The following LNPEP variants were observed in gnomAD, a reference collection of about 807,000 sequenced individuals.
The protein encoded by LNPEP is leucyl and cystinyl aminopeptidase.
LNPEP carries 64 observed loss-of-function variants against 120.6 expected under a neutral mutation model. The observed-to-expected ratio is 0.53, with a 90% CI of 0.43 to 0.65. LNPEP has a LOEUF of 0.65. Among genes scored for constraint, LNPEP ranks in the 30% least tolerant of loss-of-function variants. The pLI is 0.00. For missense variants in LNPEP, 1,057 were observed against 1,200.0 expected (o/e 0.88, Z 1.76); for synonymous variants, 435 against 425.4 (o/e 1.02, Z -0.28).
chr5:96,976,896 A>G (rs1790012174), intron 1 of LNPEP, among the ~76,000 whole-genome samples: 1 of 150,316 alleles, frequency 6.7e-6, no homozygotes, highest in South Asian at 2.1e-4. Context: ...GTATGACCCA[A>G]AACACTATTA....
At chr5:96,989,053 A>G (rs1378098113) in intron 4 of LNPEP, among the ~76,000 whole-genome samples, 1 of 151,790 alleles carries the variant, frequency 6.6e-6, no homozygotes, top group Non-Finnish European at 1.5e-5. Context: ...AAAGAGGAAG[A>G]GATAGAGAAG....
chr5:96,983,646 C>T (rs1248573150), intron 2 of LNPEP, among the ~76,000 whole-genome samples: 1 of 152,070 alleles, frequency 6.6e-6, no homozygotes, highest in African/African-American at 2.4e-5. Context: ...GAGGTTTCAC[C>T]ATGTTGGCCA....
chr5:96,952,353 A>C (rs974213963), intron 1 of LNPEP, among the ~76,000 whole-genome samples: 2 of 152,332 alleles, frequency 1.3e-5, no homozygotes, highest in Admixed American at 1.3e-4. Flanking sequence ...AAAATGGCAT[A>C]TAACATATTA....
At chr5:96,994,516 G>T in intron 6 of LNPEP, among the ~76,000 whole-genome samples, 1 of 151,226 alleles carries the variant, frequency 6.6e-6, no homozygotes, top group African/African-American at 2.4e-5. Flanking sequence ...TGTTAATTTT[G>T]GAGAGGGGGT....
At chr5:96,956,290 G>T (rs1029227065) in intron 1 of LNPEP, among the ~76,000 whole-genome samples, 3 of 152,136 alleles carry the variant, frequency 2.0e-5, no homozygotes, top group Non-Finnish European at 4.4e-5. Flanking sequence ...CTAGTTTCCA[G>T]AGTTTTTTTT....
At chr5:97,009,532 A>G (rs918093094) in intron 11 of LNPEP, among the ~76,000 whole-genome samples, 12 of 152,226 alleles carry the variant, frequency 7.9e-5, no homozygotes, top group Admixed American at 6.5e-5. Flanking sequence ...GCCTGATAAA[A>G]TGATGTTTTC....
Position 97,036,525 on chromosome 5 carries a change from GGTAAAT to G in LNPEP, c.*7995_*8000del. 6.6e-6 allele frequency: 1 copy of G among 152,160 alleles called. No homozygotes were observed. The highest frequency in any genetic ancestry group is 2.1e-4 in the South Asian group (1 of 4,818). 9.4% of individuals were successfully genotyped at this position (152,160 alleles called of 1,614,324 possible). The stretch of plus-strand genomic sequence containing the variant: ...CACACTGTCTCCTCATCTACCATAT[GGTAAAT>G]GTTAAAACTCCACATTTGTCTGCAT... On this transcript the variant is annotated 3_prime_UTR_variant, in exon 18 of 18. Coordinates refer to ENST00000231368, the MANE Select transcript of LNPEP (RefSeq NM_005575.3).
intron 1 of LNPEP, chr5:96,937,865 C>T (rs950174123): frequency 3.9e-5 from 6 of 152,112 alleles, no homozygotes; most frequent in African/African-American, 1.4e-4. Context: ...GGAAAAATCC[C>T]ACAGAAGAGA....
rs931580762 is a variant in LNPEP, at chr5:97,034,720, T to A, written c.*6187T>A. 4.6e-5 allele frequency: 7 copies of A among 152,046 alleles called. No homozygotes were observed. The highest frequency in any genetic ancestry group is 1.4e-4 in the African/African-American group (6 of 41,422). 9.4% of individuals were successfully genotyped at this position (152,046 alleles called of 1,614,324 possible). ...TGAGAGGAAAAGGCAAGATATATAA[T>A]TTTTTTAATGTATATAAATGTTTTG... is the stretch of plus-strand genomic sequence containing the variant. On this transcript the variant is annotated 3_prime_UTR_variant, in exon 18 of 18. Coordinates refer to ENST00000231368, the MANE Select transcript of LNPEP (RefSeq NM_005575.3).
intron 2 of LNPEP, among the ~76,000 whole-genome samples, chr5:96,980,946 T>C (rs746918575): frequency 1.3e-5 from 2 of 152,230 alleles, no homozygotes; most frequent in African/African-American, 2.4e-5. Flanking sequence ...TTTCCCTCTA[T>C]GTAATACTTT....
At chr5:97,028,094 A>T (rs1327686816) in intron 17 of LNPEP, among the ~76,000 whole-genome samples, 1 of 152,186 alleles carries the variant, frequency 6.6e-6, no homozygotes, top group African/African-American at 2.4e-5. Context: ...CTTGGGGTGA[A>T]TTCATAGCAC....
chr5:97,006,652 A>C, intron 11 of LNPEP, 137 bp downstream of exon 11: 1 of 621,436 alleles, frequency 1.6e-6, no homozygotes, highest in Non-Finnish European at 2.9e-6. Context: ...AGATGTGACT[A>C]ATGTGAGATT....
chr5:96,993,891 C>T lies in LNPEP; in HGVS notation c.1327C>T (p.Leu443Phe). 2 of 1,613,898 alleles carry T rather than the reference C, an allele frequency of 1.2e-6. No homozygotes were observed. The highest frequency in any genetic ancestry group is 2.2e-5 in the South Asian group (2 of 91,084). The change falls in exon 6 of 18, where the codon CTT (leucine) becomes TTT (phenylalanine). Residue 443 changes from leucine to phenylalanine, a missense_variant. Physicochemically the swap from Leu to Phe is conservative, Grantham distance 22 (BLOSUM62 0). Transcript: ENST00000231368. ...TTTGCTCACCTTCCGAGAGGAGACA[C>T]TTCTGTATGACAGTAACACTTCTTC... is the stretch of plus-strand genomic sequence containing the variant. The part of the protein sequence containing the change: ...WGLLTFREET[L>F]LYDSNTSSMA...
At chr5:96,982,863 A>G (rs1469932371) in intron 2 of LNPEP, among the ~76,000 whole-genome samples, 1 of 152,232 alleles carries the variant, frequency 6.6e-6, no homozygotes, top group East Asian at 1.9e-4. Flanking sequence ...ACTATCTTGC[A>G]TTTGTAATAA....
intron 11 of LNPEP, among the ~76,000 whole-genome samples, chr5:97,012,352 CTCT>C (rs1790953144): frequency 6.6e-6 from 1 of 152,150 alleles, no homozygotes; most frequent in African/African-American, 2.4e-5. Context: ...CTTATCTCTA[CTCT>C]TCTTTTTCTT....
At chr5:97,019,463 C>G (rs916267561) in intron 13 of LNPEP, among the ~76,000 whole-genome samples, 1 of 151,984 alleles carries the variant, frequency 6.6e-6, no homozygotes, top group African/African-American at 2.4e-5. Flanking sequence ...TATAATTATT[C>G]TTTCTTAAAA....
At chr5:96,992,865 C>G in intron 4 of LNPEP, 150 bp from the exon 5 acceptor site, 1 of 548,822 alleles carries the variant, frequency 1.8e-6, no homozygotes, top group Admixed American at 3.0e-5. Context: ...TCTGTTGGGA[C>G]TAAAGTAACC....
In LNPEP at chr5:97,006,207, G is replaced by T; in HGVS notation, c.1920G>T (p.Lys640Asn). Reference protein sequence around the residue: ...IQQERFFLNMKPEIQPSDTSY... With the variant: ...IQQERFFLNMNPEIQPSDTSY... ...AAGAGAGATTCTTTTTAAATATGAA[G>T]CCTGAAATTCAGCCTTCAGATACAA... Residue 640 changes from lysine (K) to asparagine (N), a missense_variant, in exon 10 of 18, where the codon AAG becomes AAT. By Grantham distance (94) the Lys-to-Asn change is moderately conservative (BLOSUM62 0). Transcript: ENST00000231368. 6.2e-7 allele frequency: 1 copy of T among 1,603,920 alleles called. No homozygotes were observed. Among genetic ancestry groups the T allele is most frequent in the Admixed American group, 1.7e-5 (1 of 57,428 alleles).
chr5:97,023,045 G>C (rs1791250621), intron 14 of LNPEP, among the ~76,000 whole-genome samples: 1 of 151,660 alleles, frequency 6.6e-6, no homozygotes, highest in Non-Finnish European at 1.5e-5. Flanking sequence ...CTGAAACTCT[G>C]TACCCATTGA....
Sources: allele counts gnomAD v4.1 joint callset (sites outside exome capture counted in the v4.1 genomes callset), GRCh38; gene constraint gnomAD v4.1.1; transcripts MANE v1.5; gene names NCBI Gene and HGNC (gene_info 2026-07-23, HGNC 2026-07-21).